TCF7L1: variants seen among roughly 807,000 people sequenced by gnomAD.
TCF7L1 encodes transcription factor 7-like 1.
In TCF7L1, 18 loss-of-function variants were observed where a neutral mutation model predicts 63.7. The observed-to-expected ratio is 0.28, with a 90% confidence interval of 0.20 to 0.42. The LOEUF (loss-of-function observed/expected upper bound fraction) is 0.42, where lower values mean the gene tolerates loss of function less well. TCF7L1 is among the 10% of genes least tolerant of loss of function. The pLI is 1.00. For synonymous variants in TCF7L1, 355 were observed against 340.9 expected, an observed-to-expected ratio of 1.04 and a Z score of -0.46; for missense variants, 654 against 779.3, an observed-to-expected ratio of 0.84 and a Z score of 1.91.
At chr2:85,207,018 T>C (rs934571271) in intron 3 of TCF7L1, among the ~76,000 whole-genome samples, 5 of 152,216 alleles carry the variant, frequency 3.3e-5, no homozygotes, top group Non-Finnish European at 7.3e-5. Context: ...GTGTTAGCTA[T>C]GTTTACTCCT....
At chr2:85,204,878 T>G (rs1679364653) in intron 3 of TCF7L1, 1 of 120,824 alleles carries the variant, frequency 8.3e-6, no homozygotes, top group Admixed American at 8.3e-5. Flanking sequence ...AGGTATTACT[T>G]AGTTTTGTTT....
At chr2:85,254,135 G>A (rs537736407) in intron 3 of TCF7L1, among the ~76,000 whole-genome samples, 17 of 152,366 alleles carry the variant, frequency 1.1e-4, no homozygotes, top group African/African-American at 3.1e-4. Context: ...GGCTGCTCTC[G>A]CATCATCTCA....
rs367970396 is a variant in TCF7L1, at chr2:85,304,348, G to A, written c.845+10G>A. The A allele has an allele frequency of 3.5e-5, 56 of 1,612,210 alleles. No homozygotes were observed. Among genetic ancestry groups the A allele is most frequent in the Admixed American group, 1.8e-4 (11 of 59,696 alleles). The stretch of plus-strand genomic sequence containing the variant: ...ACGCCTCGATGTCCAGGTGAGTCCC[G>A]GGGCTGGGGCTGTCCGCATGTTTGT... On this transcript the variant is annotated intron_variant, in intron 7 of 11. Coordinates refer to ENST00000282111, the MANE Select transcript of TCF7L1 (RefSeq NM_031283.3).
chr2:85,243,395 G>A (rs557766696), intron 3 of TCF7L1, among the ~76,000 whole-genome samples: 1 of 152,248 alleles, frequency 6.6e-6, no homozygotes, highest in East Asian at 1.9e-4. Context: ...GTTTCAAAAG[G>A]GCTGTTTTGT....
At chr2:85,290,843 T>C (rs1239822324) in intron 4 of TCF7L1, among the ~76,000 whole-genome samples, 1 of 152,208 alleles carries the variant, frequency 6.6e-6, no homozygotes, top group Non-Finnish European at 1.5e-5. Flanking sequence ...AATTTAATGC[T>C]CAAGAATAAT....
At chr2:85,227,886 G>A (rs192605246) in intron 3 of TCF7L1, among the ~76,000 whole-genome samples, 35 of 151,664 alleles carry the variant, frequency 2.3e-4, no homozygotes, top group African/African-American at 8.5e-4. Flanking sequence ...CAGCTACTCG[G>A]GAGGCTGAGG....
intron 3 of TCF7L1, among the ~76,000 whole-genome samples, chr2:85,195,005 A>G (rs1030853126): frequency 1.6e-4 from 25 of 152,254 alleles, no homozygotes; most frequent in Admixed American, 1.3e-4. Context: ...CCCCGAGGTA[A>G]CAGGTGTGGA....
At chr2:85,146,071 G>A (rs1019912299) in intron 3 of TCF7L1, among the ~76,000 whole-genome samples, 7 of 152,048 alleles carry the variant, frequency 4.6e-5, no homozygotes, top group African/African-American at 9.7e-5. Flanking sequence ...CATAATAAGC[G>A]ATTCACTTGT....
chr2:85,204,168 C>T (rs925532679), intron 3 of TCF7L1, among the ~76,000 whole-genome samples: 4 of 152,096 alleles, frequency 2.6e-5, no homozygotes, highest in African/African-American at 4.8e-5. Context: ...CCACTTCACT[C>T]ACTGCTATTT....
intron 3 of TCF7L1, among the ~76,000 whole-genome samples, chr2:85,260,733 A>G (rs1680840123): frequency 6.6e-6 from 1 of 152,162 alleles, no homozygotes; most frequent in Non-Finnish European, 1.5e-5. Context: ...CATTTAATGA[A>G]CATATGTTGA....
intron 3 of TCF7L1, among the ~76,000 whole-genome samples, chr2:85,226,035 C>T (rs1035029811): frequency 3.3e-5 from 5 of 152,156 alleles, no homozygotes; most frequent in African/African-American, 1.2e-4. Context: ...TTGAGATAAT[C>T]ACGTGGTTTT....
intron 3 of TCF7L1, among the ~76,000 whole-genome samples, chr2:85,173,756 A>G (rs760319124): frequency 8.7e-5 from 13 of 149,326 alleles, no homozygotes; most frequent in Admixed American, 5.3e-4. Context: ...TTTTTTTCTG[A>G]GACGGAGTCT....
At chr2:85,141,819 T>C (rs1677746801) in intron 3 of TCF7L1, among the ~76,000 whole-genome samples, 1 of 152,124 alleles carries the variant, frequency 6.6e-6, no homozygotes, top group Non-Finnish European at 1.5e-5. Flanking sequence ...GATGAGGTTG[T>C]AGGGGAATGC....
intron 4 of TCF7L1, among the ~76,000 whole-genome samples, chr2:85,298,020 C>A (rs954632771): frequency 6.7e-6 from 1 of 150,268 alleles, no homozygotes; most frequent in Admixed American, 6.6e-5. Flanking sequence ...TGCAGTGGTG[C>A]GATCTCGGCT....
At chr2:85,239,861 A>G (rs1005458971) in intron 3 of TCF7L1, among the ~76,000 whole-genome samples, 1 of 150,194 alleles carries the variant, frequency 6.7e-6, no homozygotes, top group African/African-American at 2.5e-5. Flanking sequence ...CAGGAGAATC[A>G]CTTGAACCTG....
At chr2:85,190,253 G>A (rs1215808244) in intron 3 of TCF7L1, among the ~76,000 whole-genome samples, 1 of 152,178 alleles carries the variant, frequency 6.6e-6, no homozygotes, top group African/African-American at 2.4e-5. Context: ...CTTGGGGTGT[G>A]ATCACCTTAC....
chr2:85,134,470 G>C lies in TCF7L1; in HGVS notation c.441+20G>C. On this transcript the variant is annotated intron_variant, in intron 3 of 11. Transcript: ENST00000282111. This position sits in a 1 kb window ranked among gnomAD's most constrained non-coding sequence, Gnocchi z 5.0. ...CGCACCGTGAGTGCCCGTCGGGCGC[G>C]CCGGGGAGGGTGGGAGGCCGCGGCC... is the stretch of plus-strand genomic sequence containing the variant. 6.5e-7 allele frequency: 1 copy of C among 1,547,976 alleles called. No individual in the cohort carries two copies. Among genetic ancestry groups the C allele is most frequent in the African/African-American group, 1.4e-5 (1 of 73,032 alleles).
At chr2:85,201,453 C>A (rs1375777613) in intron 3 of TCF7L1, among the ~76,000 whole-genome samples, 1 of 152,082 alleles carries the variant, frequency 6.6e-6, no homozygotes, top group Non-Finnish European at 1.5e-5. Context: ...TCATGACATA[C>A]CTTTTTCTTA....
chr2:85,151,556 G>T (rs2104205768), intron 3 of TCF7L1, among the ~76,000 whole-genome samples: 1 of 152,186 alleles, frequency 6.6e-6, no homozygotes, highest in Middle Eastern at 3.4e-3. Context: ...TTTCAAAATG[G>T]TGATAGTCTA....
Sources: allele counts gnomAD v4.1 joint callset (sites outside exome capture counted in the v4.1 genomes callset), GRCh38; gene constraint gnomAD v4.1.1; non-coding constraint Gnocchi (gnomAD v3.1); transcripts MANE v1.5; gene names NCBI Gene and HGNC (gene_info 2026-07-23, HGNC 2026-07-21).